MOBP: variants seen among roughly 807,000 people sequenced by gnomAD.
MOBP encodes the protein myelin associated oligodendrocyte basic protein.
MOBP carries 5 observed loss-of-function variants against 15.0 expected under a neutral mutation model. The observed-to-expected ratio is 0.33, with a 90% CI of 0.17 to 0.70. The LOEUF is 0.70. Among genes scored for constraint, MOBP ranks in the 30% least tolerant of loss-of-function variants. The pLI, the probability that MOBP is intolerant of heterozygous loss-of-function variation, is 0.67. For missense variants in MOBP, 188 were observed against 257.8 expected (o/e 0.73, Z 1.85); for synonymous variants, 88 against 99.0 (o/e 0.89, Z 0.66).
chr3:39,495,242 T>A (rs760633417), intron 2 of MOBP, among the ~76,000 whole-genome samples: 6 of 152,194 alleles, frequency 3.9e-5, no homozygotes, highest in Non-Finnish European at 8.8e-5. Context: ...TGCATTAAAA[T>A]GAGAAGCCAA....
At chr3:39,492,413 A>G (rs1412396721) in intron 2 of MOBP, among the ~76,000 whole-genome samples, 1 of 152,152 alleles carries the variant, frequency 6.6e-6, no homozygotes, top group Non-Finnish European at 1.5e-5. Flanking sequence ...TAGGGAACTG[A>G]ACTCTGACTA....
Position 39,502,281 on chromosome 3 carries a change from C to A in MOBP, c.206+6C>A, listed in dbSNP as rs777079838. The A allele has an allele frequency of 3.1e-6, 5 of 1,613,966 alleles. 1 individual carries two copies. The South Asian group carries it at 4.4e-5, about 14-fold the overall frequency. ...TGCGCCTGCCAGAAGACCAGGTAAG[C>A]GGCCGCCCAGCCCCGCGGCACCAGT... On this transcript the variant is annotated splice_donor_region_variant and intron_variant, in intron 3 of 3. Coordinates refer to ENST00000684792, the MANE Select transcript of MOBP (RefSeq NM_001393704.1). This position sits in a 1 kb window ranked among gnomAD's most constrained non-coding sequence, Gnocchi z 6.3.
At chr3:39,519,440 A>C (rs1046529615), downstream of MOBP, among the ~76,000 whole-genome samples, 2 of 151,190 alleles carry the variant, frequency 1.3e-5, no homozygotes, top group African/African-American at 4.9e-5. Context: ...CCAAGTTTAA[A>C]ATTTTTTTCT....
chr3:39,490,914 G>T (rs2042785773), intron 2 of MOBP, among the ~76,000 whole-genome samples: 1 of 152,068 alleles, frequency 6.6e-6, no homozygotes, highest in Non-Finnish European at 1.5e-5. Context: ...GTGATGGTGT[G>T]GGTTTTGAGA....
chr3:39,503,015 C>G lies in MOBP; in HGVS notation c.*135C>G, dbSNP rs1051877374. On this transcript the variant is annotated 3_prime_UTR_variant, in exon 4 of 4. Transcript: ENST00000684792. ...GTAATCAGCTCCCTCCATTAAATCC[C>G]CTCTGTTTGAAATACCTAGTGTGGC... 3 of 568,900 alleles carry G rather than the reference C, an allele frequency of 5.3e-6. No homozygotes were observed. The African/African-American group carries it at 5.8e-5, about 11-fold the overall frequency. The allele number at this position is 568,900 out of a possible 1,614,324, so 35.2% of individuals were successfully genotyped here. A position where few individuals can be genotyped will look rare whatever the true frequency, so the allele number is the denominator to read the frequency against.
downstream of MOBP, among the ~76,000 whole-genome samples, chr3:39,506,749 G>A (rs901094882): frequency 1.3e-5 from 2 of 152,230 alleles, no homozygotes; most frequent in Non-Finnish European, 2.9e-5. Flanking sequence ...GGCAAGTGCT[G>A]GCACCTGGAA....
intron 4 of MOBP, among the ~76,000 whole-genome samples, chr3:39,512,751 G>T (rs2043135656): frequency 6.6e-6 from 1 of 152,154 alleles, no homozygotes; most frequent in Admixed American, 6.5e-5. Context: ...CTTTGATGAT[G>T]CACTGAAACT....
At chr3:39,474,658 C>T (rs1037112090) in intron 1 of MOBP, among the ~76,000 whole-genome samples, 8 of 152,138 alleles carry the variant, frequency 5.3e-5, no homozygotes, top group African/African-American at 9.7e-5. Flanking sequence ...AATTGCTTCT[C>T]CCCATCCATT....
At chr3:39,492,181 G>A (rs1190703679) in intron 2 of MOBP, among the ~76,000 whole-genome samples, 2 of 152,320 alleles carry the variant, frequency 1.3e-5, no homozygotes, top group South Asian at 2.1e-4. Context: ...TGAGTCAGGA[G>A]CCTGATGACC....
intron 2 of MOBP, among the ~76,000 whole-genome samples, chr3:39,498,174 G>A (rs1234713897): frequency 6.6e-6 from 1 of 152,138 alleles, no homozygotes; most frequent in African/African-American, 2.4e-5. Flanking sequence ...GTTATAAAAC[G>A]ATGACTCTGA....
At chr3:39,470,395 T>C (rs1177252521) in intron 1 of MOBP, among the ~76,000 whole-genome samples, 1 of 152,160 alleles carries the variant, frequency 6.6e-6, no homozygotes, top group Non-Finnish European at 1.5e-5. Flanking sequence ...CTCAACAAAA[T>C]CTGTGAGGTA....
chr3:39,513,767 G>T, exon 5 of MOBP: 1 of 278,964 alleles, frequency 3.6e-6, no homozygotes, highest in Non-Finnish European at 6.6e-6. Context: ...CAGGGTCAGG[G>T]TGGCTCAAGT....
At chr3:39,510,796 T>A (rs2043109698) in intron 4 of MOBP, among the ~76,000 whole-genome samples, 1 of 152,236 alleles carries the variant, frequency 6.6e-6, no homozygotes, top group East Asian at 1.9e-4. Context: ...TTTTTGTATA[T>A]GTTTCGAACT....
At position 39,502,536 on chromosome 3, in the gene MOBP, A is replaced by G; in HGVS notation, c.208A>G (p.Thr70Ala). Residue 70 changes from threonine to alanine, a missense_variant and splice_region_variant, in exon 4 of 4, where the codon ACC (threonine) becomes GCC (alanine). Transcript: ENST00000684792. The surrounding 1 kb of genome is among the most constrained non-coding windows in gnomAD (Gnocchi z 6.3). Reference protein sequence around the residue: ...WICCACQKTRTSRRAKSPQRP... With the variant: ...WICCACQKTRASRRAKSPQRP... ...TCCAGCTTCTTTTGGCCCTCTCAGA[A>G]CCAGCCGCCGTGCCAAGTCCCCTCA... The G allele has an allele frequency of 6.3e-7, 1 of 1,576,378 alleles. No individual in the cohort carries two copies. Among genetic ancestry groups the G allele is most frequent in the Non-Finnish European group, 8.5e-7 (1 of 1,170,038 alleles).
downstream of MOBP, among the ~76,000 whole-genome samples, chr3:39,518,419 G>A (rs1027379376): frequency 6.6e-6 from 1 of 152,190 alleles, no homozygotes; most frequent in Non-Finnish European, 1.5e-5. Flanking sequence ...TGTTTGAGAA[G>A]GTGACTGATG....
rs1559412129 is a variant in MOBP at position 39,469,127 on chromosome 3, T to TGTGTGTGTATATATACATATATAC, written c.-89+1387_-89+1388insGTGTGTGTATATATACATATATAC. 4.7e-5 allele frequency among the ~76,000 whole-genome samples: 4 copies of TGTGTGTGTATATATACATATATAC among 84,282 alleles called. 1 individual carries two copies. Among genetic ancestry groups the TGTGTGTGTATATATACATATATAC allele is most frequent in the Admixed American group, 2.2e-4 (2 of 9,280 alleles). The allele number at this position is 84,282 out of a possible 152,430, so 55.3% of individuals were successfully genotyped here. On this transcript the variant is annotated intron_variant, in intron 1 of 3. Transcript: ENST00000684792. ...GTGTGTGTATATATACATATATACA[T>TGTGTGTGTATATATACATATATAC]ATGTGTGTGTATATACATATATACA...
intron 2 of MOBP, among the ~76,000 whole-genome samples, chr3:39,487,684 T>C (rs1768215): frequency 0.36 from 53,880 of 151,496 alleles, 13,349 homozygotes; most frequent in African/African-American, 0.71. Flanking sequence ...CCACCACGCC[T>C]GGCTAATTTT....
At chr3:39,508,033 G>C (rs1367299190) in intron 4 of MOBP, among the ~76,000 whole-genome samples, 3 of 152,200 alleles carry the variant, frequency 2.0e-5, no homozygotes, top group Non-Finnish European at 2.9e-5. Context: ...GCTTCACCAT[G>C]TTTGTTTTTG....
At chr3:39,470,282 G>A (rs2042451007) in intron 1 of MOBP, among the ~76,000 whole-genome samples, 1 of 152,324 alleles carries the variant, frequency 6.6e-6, no homozygotes, top group African/African-American at 2.4e-5. Flanking sequence ...GGGACAACTA[G>A]CAAAATAACT....
Sources: allele counts gnomAD v4.1 joint callset (sites outside exome capture counted in the v4.1 genomes callset), GRCh38; gene constraint gnomAD v4.1.1; non-coding constraint Gnocchi (gnomAD v3.1); transcripts MANE v1.5; gene names NCBI Gene and HGNC (gene_info 2026-07-23, HGNC 2026-07-21).